Variants in HDAC5 observed in about 807,000 individuals in gnomAD.
The protein encoded by HDAC5 is antigen NY-CO-9.
A neutral mutation model predicts 133.3 loss-of-function variants in HDAC5; 25 were observed. The observed-to-expected ratio is 0.19, with a 90% CI of 0.14 to 0.26. The LOEUF is 0.26. Among genes scored for constraint, HDAC5 ranks in the 10% least tolerant of loss-of-function variants. HDAC5 has a pLI of 1.00. For missense variants in HDAC5, 1,041 were observed against 1,460.5 expected (o/e 0.71, Z 4.68); for synonymous variants, 589 against 610.8 (o/e 0.96, Z 0.53).
intron 14 of HDAC5, among the ~76,000 whole-genome samples, chr17:44,085,540 C>T (rs2050605837): frequency 6.6e-6 from 1 of 151,984 alleles, no homozygotes. Flanking sequence ...CAGAGTCTCG[C>T]TCTGTCGGCC....
chr17:44,119,096 T>G (rs79343067), intron 1 of HDAC5, among the ~76,000 whole-genome samples: 3 of 151,804 alleles, frequency 2.0e-5, no homozygotes, highest in African/African-American at 7.2e-5. Flanking sequence ...GGGGGCAGAG[T>G]TGAAGGGGCT....
chr17:44,092,504 G>A lies in HDAC5; in HGVS notation c.796C>T (p.Arg266Cys), dbSNP rs756262989. ...KTASEPNLKVRSRLKQKVAER... is the reference protein window; with the variant it reads ...KTASEPNLKVCSRLKQKVAER... ...GCCACCTTCTGTTTTAGCCTTGAAC[G>A]CACTTTCAAGTTGGGTTCAGAGGCT... Residue 266 changes from arginine (R) to cysteine (C), a missense_variant, in exon 8 of 27, where the codon CGT becomes TGT. Arg to Cys is a radical substitution (Grantham distance 180). Coordinates refer to ENST00000682912, the MANE Select transcript of HDAC5 (RefSeq NM_005474.5). The A allele has an allele frequency of 1.9e-6, 3 of 1,613,588 alleles. No individual in the cohort carries two copies. The highest frequency in any genetic ancestry group is 2.2e-5 in the East Asian group (1 of 44,862).
At chr17:44,111,431 C>T (rs2052337960) in intron 2 of HDAC5, 3 of 393,064 alleles carry the variant, frequency 7.6e-6, no homozygotes, top group Non-Finnish European at 1.5e-5. Flanking sequence ...GCCAAGGCCA[C>T]AGCGCTGGGT....
chr17:44,090,429 C>T (rs1312525990), intron 11 of HDAC5, among the ~76,000 whole-genome samples: 1 of 152,000 alleles, frequency 6.6e-6, no homozygotes, highest in African/African-American at 2.4e-5. Flanking sequence ...GGCTTGGGTG[C>T]AATGGAGCGA....
chr17:44,107,414 C>T (rs2052029122), intron 3 of HDAC5, among the ~76,000 whole-genome samples: 1 of 152,098 alleles, frequency 6.6e-6, no homozygotes, highest in Non-Finnish European at 1.5e-5. Context: ...TCGAGACCAG[C>T]TTGGCCAACA....
In HDAC5 at chr17:44,093,777, C is replaced by A. The variant is rs2051091782; in HGVS notation, c.152G>T (p.Gly51Val). ...AMPSSMGGGG[G>V]GSPSPVELRG... ...TAGCTCCACAGGGCTGGGGCTGCCT[C>A]CACCCCCACCCCCCATGGAACTGGG... is the stretch of plus-strand genomic sequence containing the variant. The change falls in exon 4 of 27, where the codon GGA becomes GTA. Residue 51 changes from glycine (G) to valine (V), a missense_variant. Gly to Val is a moderately radical substitution (Grantham distance 109). Around this residue, in one of 9 missense-constraint regions of HDAC5, gnomAD observed 93 missense variants for 98.8 expected, o/e 0.94. Transcript: ENST00000682912. 11 of 1,568,624 alleles carry A rather than the reference C, an allele frequency of 7.0e-6. No homozygotes were observed. Among genetic ancestry groups the A allele is most frequent in the Non-Finnish European group, 9.5e-6 (11 of 1,156,480 alleles).
intron 2 of HDAC5, among the ~76,000 whole-genome samples, chr17:44,112,693 T>G (rs984094978): frequency 1.3e-5 from 2 of 152,156 alleles, no homozygotes; most frequent in Non-Finnish European, 2.9e-5. Flanking sequence ...AGGGGTCTCC[T>G]GCCCTCAGGC....
At chr17:44,105,641 T>G (rs2051888273) in intron 3 of HDAC5, among the ~76,000 whole-genome samples, 3 of 152,136 alleles carry the variant, frequency 2.0e-5, no homozygotes, top group African/African-American at 7.2e-5. Flanking sequence ...TAATCCCCCA[T>G]TCCACTGGGG....
intron 3 of HDAC5, among the ~76,000 whole-genome samples, chr17:44,094,333 A>C (rs1284078335): frequency 6.6e-6 from 1 of 151,256 alleles, no homozygotes; most frequent in African/African-American, 2.4e-5. Flanking sequence ...AGAAAAAAAA[A>C]AAACAAAAAA....
At position 44,078,367 on chromosome 17, in the gene HDAC5, G is replaced by GC; in HGVS notation, c.*8dup. The GC allele has an allele frequency of 6.6e-7, 1 of 1,524,638 alleles. No homozygotes were observed. The highest frequency in any genetic ancestry group is 1.3e-5 in the South Asian group (1 of 75,660). 94.4% of individuals were successfully genotyped at this position (1,524,638 alleles called of 1,614,324 possible). A position where few individuals can be genotyped will look rare whatever the true frequency, so the allele number is the denominator to read the frequency against. ...AATGGTGAAGCCCAGAGGGATGGGGGCCGGGGCGTCACAGGGCAGGCTCCT... is the reference window on the plus strand; with the variant it reads ...AATGGTGAAGCCCAGAGGGATGGGGGCCCGGGGCGTCACAGGGCAGGCTCCT... On this transcript the variant is annotated 3_prime_UTR_variant, in exon 27 of 27. Transcript: ENST00000682912.
intron 3 of HDAC5, among the ~76,000 whole-genome samples, chr17:44,105,076 G>A (rs1457887099): frequency 3.9e-5 from 6 of 152,150 alleles, no homozygotes; most frequent in African/African-American, 7.2e-5. Context: ...CAGCTCTTCT[G>A]GCTCTCTGTC....
At chr17:44,097,795 G>C (rs2051361705) in intron 3 of HDAC5, among the ~76,000 whole-genome samples, 1 of 152,258 alleles carries the variant, frequency 6.6e-6, no homozygotes, top group South Asian at 2.1e-4. Context: ...CCTGCCTAGG[G>C]CTGGAACTGT....
chr17:44,080,193 G>A lies in HDAC5; in HGVS notation c.2858C>T (p.Ser953Leu). The A allele has an allele frequency of 1.2e-6, 2 of 1,614,140 alleles. No homozygotes were observed. Among genetic ancestry groups the A allele is most frequent in the Non-Finnish European group, 1.7e-6 (2 of 1,180,010 alleles). Residue 953 changes from serine (S) to leucine (L), a missense_variant, in exon 23 of 27, where the codon TCA (serine) becomes TTA (leucine). Physicochemically the swap from Ser to Leu is moderately radical, Grantham distance 145. Around this residue, in one of 9 missense-constraint regions of HDAC5, gnomAD observed 174 missense variants for 352.7 expected, o/e 0.49. Coordinates refer to ENST00000682912, the MANE Select transcript of HDAC5 (RefSeq NM_005474.5). ...GGCGGAGACTAGGACCACATCAGGTGAGAACTCGTGGGCAATGGGCATCAC... is the reference window on the plus strand; with the variant it reads ...GGCGGAGACTAGGACCACATCAGGTAAGAACTCGTGGGCAATGGGCATCAC... Reference protein sequence around the residue: ...TVVMPIAHEFSPDVVLVSAGF... With the variant: ...TVVMPIAHEFLPDVVLVSAGF...
At chr17:44,111,357 G>A (rs186107701) in intron 2 of HDAC5, 51 of 327,608 alleles carry the variant, frequency 1.6e-4, no homozygotes, top group Non-Finnish European at 1.3e-4. Flanking sequence ...GGGGGGAGGC[G>A]GTTCTACCCC....
intron 3 of HDAC5, among the ~76,000 whole-genome samples, chr17:44,105,856 C>T (rs2051903976): frequency 6.6e-6 from 1 of 152,202 alleles, no homozygotes; most frequent in African/African-American, 2.4e-5. Flanking sequence ...CCCATGTCCA[C>T]ACAGCTCTTA....
intron 2 of HDAC5, among the ~76,000 whole-genome samples, chr17:44,114,436 G>GT (rs930072230): frequency 1.4e-5 from 2 of 145,274 alleles, no homozygotes; most frequent in Non-Finnish European, 3.0e-5. Context: ...GAGAGCAGGC[G>GT]TGGGGGGGGG....
rs528123408 is a variant in HDAC5 at position 44,123,505 on chromosome 17, C to G, written c.-191G>C. ...TCTGGGCCGGGGCGGCGCGCTCACC[C>G]GCTGCGGCTCGAGCTCCGGCTTCGC... On this transcript the variant is annotated splice_region_variant and 5_prime_UTR_variant, in exon 1 of 27. Coordinates refer to ENST00000682912, the MANE Select transcript of HDAC5 (RefSeq NM_005474.5). 1.6e-5 allele frequency: 6 copies of G among 384,506 alleles called. No individual in the cohort carries two copies. The South Asian group carries it at 6.4e-4, about 41-fold the overall frequency. The allele number at this position is 384,506 out of a possible 1,614,324, so 23.8% of individuals were successfully genotyped here. A position where few individuals can be genotyped will look rare whatever the true frequency, so the allele number is the denominator to read the frequency against.
At chr17:44,084,969 G>A (rs1398578230) in intron 15 of HDAC5, 53 bp downstream of exon 15, 1 of 1,549,006 alleles carries the variant, frequency 6.5e-7, no homozygotes, top group Non-Finnish European at 8.8e-7. Flanking sequence ...ATCTAACAGG[G>A]AAACAAAGGC....
chr17:44,095,401 C>T (rs1261366174), intron 3 of HDAC5, among the ~76,000 whole-genome samples: 1 of 152,160 alleles, frequency 6.6e-6, no homozygotes, highest in Non-Finnish European at 1.5e-5. Flanking sequence ...CTGACAGTGC[C>T]CTTGGTAACC....
Sources: allele counts gnomAD v4.1 joint callset (sites outside exome capture counted in the v4.1 genomes callset), GRCh38; gene constraint gnomAD v4.1.1; regional missense constraint gnomAD v4.1.1; transcripts MANE v1.5; gene names NCBI Gene and HGNC (gene_info 2026-07-23, HGNC 2026-07-21).